CDH12: variants seen among roughly 807,000 people sequenced by gnomAD.
CDH12 encodes the protein cadherin 12, also known as cadherin-12.
A neutral mutation model predicts 74.1 loss-of-function variants in CDH12; 41 were observed. That is an observed-to-expected ratio of 0.55 (90% CI 0.43 to 0.72). The LOEUF is 0.72. CDH12 is among the 30% of genes least tolerant of loss of function. The pLI, the probability that CDH12 is intolerant of heterozygous loss-of-function variation, is 0.00. For missense variants in CDH12, 945 were observed against 977.2 expected, an observed-to-expected ratio of 0.97 and a Z score of 0.44; for synonymous variants, 399 against 355.0, an observed-to-expected ratio of 1.12 and a Z score of -1.39.
intron 6 of CDH12, chr5:21,882,537 C>T (rs975773538): frequency 4.8e-6 from 5 of 1,047,074 alleles, no homozygotes; most frequent in East Asian, 2.4e-5. Context: ...CCTCACTCGC[C>T]GCCGACAACC....
intron 1 of CDH12, among the ~76,000 whole-genome samples, chr5:22,607,784 G>A (rs1349203398): frequency 1.3e-5 from 2 of 152,234 alleles, no homozygotes; most frequent in East Asian, 1.9e-4. Context: ...ATGGCTCAAA[G>A]AGGCCAACGT....
intron 4 of CDH12, among the ~76,000 whole-genome samples, chr5:22,108,074 C>T (rs1744592765): frequency 6.6e-6 from 1 of 152,146 alleles, no homozygotes; most frequent in Non-Finnish European, 1.5e-5. Flanking sequence ...TGTGTTCCCA[C>T]CCAAATCTCA....
chr5:21,796,372 C>T (rs190461877), intron 10 of CDH12, among the ~76,000 whole-genome samples: 3 of 90,494 alleles, frequency 3.3e-5, no homozygotes, highest in African/African-American at 1.0e-4. Flanking sequence ...TTATTGAATG[C>T]TGAACTGAAG....
At chr5:22,778,800 A>G (rs1747238835) in intron 1 of CDH12, among the ~76,000 whole-genome samples, 1 of 152,144 alleles carries the variant, frequency 6.6e-6, no homozygotes, top group South Asian at 2.1e-4. Context: ...AAGAATGAAA[A>G]TTCAAAAACT....
intron 8 of CDH12, among the ~76,000 whole-genome samples, chr5:21,820,091 GA>G (rs1018827102): frequency 6.0e-4 from 91 of 151,648 alleles, no homozygotes; most frequent in African/African-American, 2.1e-3. Context: ...CAATATGGGG[GA>G]AAAAAAATTA....
At chr5:22,026,467 A>G (rs1738364164) in intron 5 of CDH12, among the ~76,000 whole-genome samples, 1 of 152,154 alleles carries the variant, frequency 6.6e-6, no homozygotes, top group South Asian at 2.1e-4. Context: ...TCCCATTCCC[A>G]TCATGCACCT....
Position 21,817,026 on chromosome 5 carries a change from A to G in CDH12, c.921T>C (p.Asn307=). 6.2e-7 allele frequency: 1 copy of G among 1,612,592 alleles called. No homozygotes were observed. Among genetic ancestry groups the G allele is most frequent in the Non-Finnish European group, 8.5e-7 (1 of 1,179,062 alleles). ...AATTTCCCCCATCTCCTGGAACAAT[A>G]TTGTATTCAATTTCTGCATTTTGTC... is the stretch of plus-strand genomic sequence containing the variant. ...DFGQNAEIEY[N]IVPGDGGNLF... is the part of the protein sequence containing the mutation. The change falls in exon 9 of 15, where the codon AAT becomes AAC. Residue 307 remains asparagine (N), a synonymous_variant. Coordinates refer to ENST00000382254, the MANE Select transcript of CDH12 (RefSeq NM_004061.5).
At chr5:22,163,024 G>A (rs1748457724) in intron 4 of CDH12, among the ~76,000 whole-genome samples, 1 of 151,628 alleles carries the variant, frequency 6.6e-6, no homozygotes, top group South Asian at 2.1e-4. Flanking sequence ...AGCCTCCTGA[G>A]TAGCTGGGAT....
intron 5 of CDH12, among the ~76,000 whole-genome samples, chr5:22,006,311 G>A (rs1561013595): frequency 6.6e-6 from 1 of 151,840 alleles, no homozygotes; most frequent in Non-Finnish European, 1.5e-5. Flanking sequence ...GAGACACTGT[G>A]CCCAGCCAAG....
intron 4 of CDH12, among the ~76,000 whole-genome samples, chr5:22,115,297 C>T (rs1354489140): frequency 2.0e-5 from 3 of 152,132 alleles, no homozygotes; most frequent in African/African-American, 7.2e-5. Context: ...ATCTTAGTTC[C>T]TTGGTTTAAC....
At chr5:21,910,459 G>A (rs1164900133) in intron 6 of CDH12, among the ~76,000 whole-genome samples, 2 of 152,046 alleles carry the variant, frequency 1.3e-5, no homozygotes, top group South Asian at 4.1e-4. Context: ...GTAAAAGAAA[G>A]AAACTGTCCC....
At chr5:22,818,034 A>G (rs949745314) in intron 1 of CDH12, among the ~76,000 whole-genome samples, 7 of 152,190 alleles carry the variant, frequency 4.6e-5, no homozygotes, top group Non-Finnish European at 8.8e-5. Context: ...TAAAAATAGA[A>G]TATAAAAATC....
At chr5:22,805,196 T>G (rs1167524522) in intron 1 of CDH12, among the ~76,000 whole-genome samples, 2 of 152,110 alleles carry the variant, frequency 1.3e-5, no homozygotes, top group Non-Finnish European at 2.9e-5. Context: ...CAAAAGGAAT[T>G]ACAGCAAATA....
chr5:22,251,163 GT>G (rs1753118238), intron 3 of CDH12, among the ~76,000 whole-genome samples: 1 of 152,100 alleles, frequency 6.6e-6, no homozygotes, highest in Non-Finnish European at 1.5e-5. Context: ...ATTTATTTTT[GT>G]CTTATTTCTT....
At chr5:22,793,435 T>G (rs1748022098) in intron 1 of CDH12, among the ~76,000 whole-genome samples, 1 of 152,236 alleles carries the variant, frequency 6.6e-6, no homozygotes, top group African/African-American at 2.4e-5. Flanking sequence ...TAGTTATAAC[T>G]ACAGTGCACA....
chr5:21,878,334 A>G (rs1380639608), intron 6 of CDH12, among the ~76,000 whole-genome samples: 1 of 152,204 alleles, frequency 6.6e-6, no homozygotes, highest in Non-Finnish European at 1.5e-5. Context: ...ACTGTAGCTA[A>G]ATGAAAATTA....
At chr5:22,811,981 A>G (rs1004922100) in intron 1 of CDH12, among the ~76,000 whole-genome samples, 2 of 152,122 alleles carry the variant, frequency 1.3e-5, no homozygotes, top group Non-Finnish European at 2.9e-5. Flanking sequence ...AGAAAAGTGG[A>G]CACTGGCTCT....
chr5:21,889,669 G>A (rs1752806445), intron 6 of CDH12: 7 of 984,860 alleles, frequency 7.1e-6, no homozygotes, highest in Non-Finnish European at 8.4e-6. Flanking sequence ...CCTGAATGCT[G>A]AACAAAATCA....
intron 6 of CDH12, among the ~76,000 whole-genome samples, chr5:21,955,378 G>T (rs1392555342): frequency 3.3e-5 from 5 of 151,770 alleles, no homozygotes; most frequent in Non-Finnish European, 5.9e-5. Flanking sequence ...TTTGTAATAG[G>T]TAGGTATTTC....
Sources: allele counts gnomAD v4.1 joint callset (sites outside exome capture counted in the v4.1 genomes callset), GRCh38; gene constraint gnomAD v4.1.1; transcripts MANE v1.5; gene names NCBI Gene and HGNC (gene_info 2026-07-23, HGNC 2026-07-21).